KCTD8: variants seen among roughly 807,000 people sequenced by gnomAD.
KCTD8 encodes the protein potassium channel tetramerization domain containing 8, also known as BTB/POZ domain-containing protein KCTD8.
In KCTD8, 27 loss-of-function variants were observed where a neutral mutation model predicts 31.5. The ratio of observed to expected loss-of-function variants is 0.86; its 90% CI spans 0.63 to 1.18. The LOEUF is 1.18. Among genes scored for constraint, KCTD8 ranks in the 50% most tolerant of loss-of-function variants. KCTD8 has a pLI of 0.00. For synonymous variants in KCTD8, 290 were observed against 280.0 expected, an observed-to-expected ratio of 1.04 and a Z score of -0.36; for missense variants, 658 against 647.7, an observed-to-expected ratio of 1.02 and a Z score of -0.17.
In KCTD8 at chr4:44,276,996, A is replaced by G. The variant is rs557017908; in HGVS notation, c.962-101746T>C. ...ACTCTGTGACATTGGGCAAGAGATG[A>G]AGTTTCTCTATCTGTAATTTGGAAA... On this transcript the variant is annotated intron_variant, in intron 1 of 1. Transcript: ENST00000360029. Among the ~76,000 whole-genome samples, 425 of 152,120 alleles carry G rather than the reference A, an allele frequency of 2.8e-3. 2 individuals are homozygous for G. Among genetic ancestry groups the G allele is most frequent in the African/African-American group, 9.6e-3 (401 of 41,570 alleles).
At chr4:44,293,035 T>C (rs1004641998) in intron 1 of KCTD8, among the ~76,000 whole-genome samples, 29 of 152,116 alleles carry the variant, frequency 1.9e-4, no homozygotes, top group Non-Finnish European at 1.5e-4. Flanking sequence ...TTGTAGATAA[T>C]TTTTTCAGAT....
intron 1 of KCTD8, among the ~76,000 whole-genome samples, chr4:44,435,243 A>G (rs1005854002): frequency 6.6e-6 from 1 of 151,942 alleles, no homozygotes; most frequent in African/African-American, 2.4e-5. Flanking sequence ...CATTCCTCAA[A>G]TGGGAGATGG....
intron 1 of KCTD8, among the ~76,000 whole-genome samples, chr4:44,197,252 G>A (rs1713973731): frequency 6.6e-6 from 1 of 152,146 alleles, no homozygotes; most frequent in South Asian, 2.1e-4. Context: ...AGCAGAGGAG[G>A]AGGGTATGCC....
At chr4:44,314,987 T>C (rs767955189) in intron 1 of KCTD8, among the ~76,000 whole-genome samples, 5 of 151,646 alleles carry the variant, frequency 3.3e-5, no homozygotes, top group Non-Finnish European at 5.9e-5. Flanking sequence ...AGTTTTCAAA[T>C]ATGACACTTA....
rs80190606 is a variant in KCTD8 at position 44,368,391 on chromosome 4, A to AAAAATAAAAT, written c.961+79162_961+79171dup. Among the ~76,000 whole-genome samples the AAAAATAAAAT allele has an allele frequency of 3.0e-4, 45 of 151,504 alleles. No homozygotes were observed. The South Asian group carries it at 4.8e-3, about 16-fold the overall frequency. On this transcript the variant is annotated intron_variant, in intron 1 of 1. Coordinates refer to ENST00000360029, the MANE Select transcript of KCTD8 (RefSeq NM_198353.3). ...CTGAGCAAGACTCCTTCTCAAAGAA[A>AAAAATAAAAT]AAAATAAAATAAAATAAAATAAAAT...
In KCTD8 at chr4:44,185,208, T is replaced by C. The variant is rs141394556; in HGVS notation, c.962-9958A>G. On this transcript the variant is annotated intron_variant, in intron 1 of 1. Coordinates refer to ENST00000360029, the MANE Select transcript of KCTD8 (RefSeq NM_198353.3). Reference sequence around the variant, plus strand: ...CACCTTTGGCTATCCAATGGATTTATCTCTTATTTTCAAACACTTGTCATG... The same window carrying C: ...CACCTTTGGCTATCCAATGGATTTACCTCTTATTTTCAAACACTTGTCATG... Among the ~76,000 whole-genome samples the C allele has an allele frequency of 4.8e-4, 73 of 152,302 alleles. 1 individual carries two copies. Among genetic ancestry groups the C allele is most frequent in the Non-Finnish European group, 2.9e-4 (20 of 68,018 alleles).
intron 1 of KCTD8, among the ~76,000 whole-genome samples, chr4:44,390,927 C>A (rs555593598): frequency 6.6e-6 from 1 of 151,968 alleles, no homozygotes; most frequent in South Asian, 2.1e-4. Context: ...TCCAGAAATC[C>A]CATGACTAGG....
At chr4:44,292,056 C>A (rs940103617) in intron 1 of KCTD8, among the ~76,000 whole-genome samples, 1 of 150,912 alleles carries the variant, frequency 6.6e-6, no homozygotes, top group Admixed American at 6.6e-5. Flanking sequence ...TCATCCACTG[C>A]GGAAAGCAGT....
intron 1 of KCTD8, among the ~76,000 whole-genome samples, chr4:44,425,527 G>A (rs1183979268): frequency 6.6e-6 from 1 of 151,994 alleles, no homozygotes; most frequent in Non-Finnish European, 1.5e-5. Context: ...GATGTTTAGT[G>A]TGTCTTTTTG....
intron 1 of KCTD8, among the ~76,000 whole-genome samples, chr4:44,358,990 A>T (rs113271360): frequency 0.1 from 15,165 of 152,064 alleles, 836 homozygotes; most frequent in African/African-American, 0.13. Flanking sequence ...GTGTCTGTTC[A>T]TATCCTTCAC....
intron 1 of KCTD8, among the ~76,000 whole-genome samples, chr4:44,352,458 G>C (rs4443319): frequency 1.3e-5 from 2 of 148,498 alleles, no homozygotes; most frequent in South Asian, 4.2e-4. Context: ...AATGGAAATA[G>C]TAAAAAGAGA....
At chr4:44,294,250 C>T (rs559881340) in intron 1 of KCTD8, among the ~76,000 whole-genome samples, 9 of 152,114 alleles carry the variant, frequency 5.9e-5, no homozygotes, top group South Asian at 4.2e-4. Context: ...CCTGTGGTAA[C>T]GCAGAAAAAT....
intron 1 of KCTD8, among the ~76,000 whole-genome samples, chr4:44,327,733 T>A (rs765436105): frequency 6.6e-6 from 1 of 151,872 alleles, no homozygotes; most frequent in African/African-American, 2.4e-5. Flanking sequence ...TCTAGCTGTA[T>A]GATCTTGGGC....
intron 1 of KCTD8, among the ~76,000 whole-genome samples, chr4:44,383,521 G>A (rs1485645486): frequency 6.6e-6 from 1 of 151,880 alleles, no homozygotes; most frequent in Non-Finnish European, 1.5e-5. Flanking sequence ...CATATTTACA[G>A]CCAAGTGATT....
chr4:44,395,353 G>T (rs1038244838), intron 1 of KCTD8, among the ~76,000 whole-genome samples: 1 of 152,050 alleles, frequency 6.6e-6, no homozygotes, highest in Non-Finnish European at 1.5e-5. Flanking sequence ...GCTAGGGGCC[G>T]AAAAGACCCT....
chr4:44,257,729 A>G (rs1347366565), intron 1 of KCTD8, among the ~76,000 whole-genome samples: 8 of 151,988 alleles, frequency 5.3e-5, no homozygotes, highest in African/African-American at 1.9e-4. Context: ...CTTAGAGAGT[A>G]AAAGAATGAG....
intron 1 of KCTD8, among the ~76,000 whole-genome samples, chr4:44,308,932 C>G (rs1717877978): frequency 6.6e-6 from 1 of 152,062 alleles, no homozygotes; most frequent in Admixed American, 6.6e-5. Context: ...TATTGATACA[C>G]AGCATCTAGA....
intron 1 of KCTD8, among the ~76,000 whole-genome samples, chr4:44,380,384 T>C (rs1720030241): frequency 1.3e-5 from 2 of 151,040 alleles, no homozygotes; most frequent in South Asian, 4.2e-4. Flanking sequence ...TGAGTACATG[T>C]TAAAATCAAT....
chr4:44,340,707 GCAA>G (rs1255235617), intron 1 of KCTD8, among the ~76,000 whole-genome samples: 1 of 151,986 alleles, frequency 6.6e-6, no homozygotes, highest in Non-Finnish European at 1.5e-5. Flanking sequence ...TACTGATAAT[GCAA>G]CAACGTAAAC....
Sources: gnomAD v4.1 joint callset for allele counts (sites outside exome capture counted in the v4.1 genomes callset) on GRCh38, gnomAD v4.1.1 for gene constraint, MANE v1.5 for transcripts, NCBI Gene and HGNC (gene_info 2026-07-23, HGNC 2026-07-21) for gene names.